The following ADAMTSL1 variants were observed in gnomAD, a reference collection of about 807,000 sequenced individuals.
ADAMTSL1 encodes ADAMTS like 1, also known as ADAMTS-like protein 1.
In ADAMTSL1, 126 loss-of-function variants were observed where a neutral mutation model predicts 201.8. The ratio of observed to expected loss-of-function variants is 0.62; its 90% CI spans 0.54 to 0.72. The LOEUF (loss-of-function observed/expected upper bound fraction) is 0.72. ADAMTSL1 is among the 30% of genes least tolerant of loss of function. ADAMTSL1 has a pLI of 0.00. For synonymous variants in ADAMTSL1, 1,121 were observed against 903.4 expected, an observed-to-expected ratio of 1.24 and a Z score of -4.32; for missense variants, 2,679 against 2,277.8, an observed-to-expected ratio of 1.18 and a Z score of -3.59.
intron 2 of ADAMTSL1, among the ~76,000 whole-genome samples, chr9:18,185,562 T>C (rs988903362): frequency 2.0e-5 from 3 of 152,144 alleles, no homozygotes; most frequent in Non-Finnish European, 4.4e-5. Flanking sequence ...ACTAACACAA[T>C]TGGTTTCTTA....
intron 2 of ADAMTSL1, among the ~76,000 whole-genome samples, chr9:18,295,344 A>ATT (rs11402322): frequency 6.5e-4 from 94 of 144,372 alleles, no homozygotes; most frequent in African/African-American, 1.9e-3. Flanking sequence ...ACCGTTATTC[A>ATT]TTTTTTTTTT....
At chr9:18,805,838 G>A (rs1186772268) in intron 20 of ADAMTSL1, among the ~76,000 whole-genome samples, 2 of 152,142 alleles carry the variant, frequency 1.3e-5, no homozygotes, top group Non-Finnish European at 2.9e-5. Flanking sequence ...TGCTGTTCGT[G>A]GGCCCTTTCT....
chr9:18,776,350 A>G (rs1277860810), intron 18 of ADAMTSL1, among the ~76,000 whole-genome samples: 1 of 152,208 alleles, frequency 6.6e-6, no homozygotes, highest in African/African-American at 2.4e-5. Context: ...AGCGGAAGAC[A>G]TTCTCCTCTC....
intron 2 of ADAMTSL1, among the ~76,000 whole-genome samples, chr9:18,287,875 C>T (rs375420790): frequency 6.6e-6 from 1 of 152,058 alleles, no homozygotes; most frequent in Non-Finnish European, 1.5e-5. Flanking sequence ...CTCCTCTAAT[C>T]CCATTCAAGT....
Position 18,839,862 on chromosome 9 carries a change from G to A in ADAMTSL1, c.4249+9885G>A, listed in dbSNP as rs1309935468. On this transcript the variant is annotated intron_variant, in intron 23 of 28. Coordinates refer to ENST00000380548, the MANE Select transcript of ADAMTSL1 (RefSeq NM_001040272.6). ...TGAGAAGTGTCTGTTCATGTCCTTC[G>A]CCCACTTTTGGATGGGGTTCTTTGT... Among the ~76,000 whole-genome samples the A allele has an allele frequency of 3.1e-4, 47 of 150,088 alleles. No individual in the cohort carries two copies. The East Asian group carries it at 3.7e-3, about 12-fold the overall frequency.
chr9:18,584,435 G>A lies in ADAMTSL1; in HGVS notation c.474+10169G>A, dbSNP rs150238550. ...TCTTTTGTAAATTGCTCAGTCTCAG[G>A]TATGTCTTTATCAGCAGCATGGAAA... On this transcript the variant is annotated intron_variant, in intron 4 of 28. Coordinates refer to ENST00000380548, the MANE Select transcript of ADAMTSL1 (RefSeq NM_001040272.6). Among the ~76,000 whole-genome samples the A allele has an allele frequency of 7.7e-4, 117 of 152,132 alleles. 1 individual carries two copies. In the East Asian group the frequency reaches 0.021, roughly 28 times the overall value.
intron 2 of ADAMTSL1, among the ~76,000 whole-genome samples, chr9:18,273,060 A>ATGGT (rs1832441922): frequency 6.6e-6 from 1 of 152,146 alleles, no homozygotes. Context: ...GTGCAGAAGG[A>ATGGT]TGGTTGCAGG....
At chr9:18,879,114 G>A (rs1342298659) in intron 23 of ADAMTSL1, among the ~76,000 whole-genome samples, 1 of 152,170 alleles carries the variant, frequency 6.6e-6, no homozygotes, top group Non-Finnish European at 1.5e-5. Context: ...AAGCAATATA[G>A]ATTTAAATAG....
chr9:18,014,995 G>C, intron 1 of ADAMTSL1, among the ~76,000 whole-genome samples: 1 of 152,010 alleles, frequency 6.6e-6, no homozygotes, highest in East Asian at 1.9e-4. Flanking sequence ...GCCTGTAGGT[G>C]GTAATATAAA....
chr9:18,867,725 C>A (rs1002409788), intron 23 of ADAMTSL1, among the ~76,000 whole-genome samples: 2 of 152,068 alleles, frequency 1.3e-5, no homozygotes, highest in South Asian at 4.1e-4. Flanking sequence ...CTCCTGAGTT[C>A]AAGCAATTCT....
chr9:17,909,274 C>T (rs1205757103), intron 1 of ADAMTSL1, among the ~76,000 whole-genome samples: 2 of 147,476 alleles, frequency 1.4e-5, no homozygotes, highest in East Asian at 4.2e-4. Flanking sequence ...TGTAGGTTGC[C>T]TGTTCACTCT....
chr9:18,182,516 G>A (rs1051513940), intron 2 of ADAMTSL1, among the ~76,000 whole-genome samples: 1 of 152,160 alleles, frequency 6.6e-6, no homozygotes, highest in Non-Finnish European at 1.5e-5. Flanking sequence ...AACATGTCTT[G>A]TGGCTCTGTT....
intron 4 of ADAMTSL1, among the ~76,000 whole-genome samples, chr9:18,601,403 G>A (rs545925546): frequency 1.3e-5 from 2 of 152,300 alleles, no homozygotes; most frequent in Non-Finnish European, 1.5e-5. Flanking sequence ...CTACAGGTGT[G>A]CACAGATCTG....
intron 23 of ADAMTSL1, among the ~76,000 whole-genome samples, chr9:18,856,513 G>C (rs1423545148): frequency 2.1e-5 from 3 of 139,818 alleles, no homozygotes; most frequent in Non-Finnish European, 4.5e-5. Context: ...GCCCAGGCTA[G>C]AGTGCAGTGG....
chr9:18,191,846 A>G (rs1828984595), intron 2 of ADAMTSL1, among the ~76,000 whole-genome samples: 1 of 152,156 alleles, frequency 6.6e-6, no homozygotes, highest in Non-Finnish European at 1.5e-5. Flanking sequence ...CCATTTCATG[A>G]AGTTACAATA....
intron 2 of ADAMTSL1, among the ~76,000 whole-genome samples, chr9:18,388,869 G>A (rs975846369): frequency 6.6e-6 from 1 of 151,728 alleles, no homozygotes; most frequent in Non-Finnish European, 1.5e-5. Flanking sequence ...CGATTATCCT[G>A]CCTTAGCCTC....
chr9:18,263,964 G>C (rs1000794225), intron 2 of ADAMTSL1, among the ~76,000 whole-genome samples: 5 of 152,124 alleles, frequency 3.3e-5, no homozygotes, highest in Non-Finnish European at 7.3e-5. Context: ...CATTTTGTTA[G>C]GGCAACCTCA....
intron 1 of ADAMTSL1, among the ~76,000 whole-genome samples, chr9:18,031,544 G>T (rs1417657095): frequency 6.6e-6 from 1 of 152,148 alleles, no homozygotes; most frequent in Non-Finnish European, 1.5e-5. Flanking sequence ...AAGAGTAAGG[G>T]CCAGCAGATG....
chr9:18,015,720 C>G (rs562661441), intron 1 of ADAMTSL1, among the ~76,000 whole-genome samples: 3 of 152,072 alleles, frequency 2.0e-5, no homozygotes, highest in Non-Finnish European at 2.9e-5. Context: ...TAAGCTTCTT[C>G]CCACAAGACC....
Sources: gnomAD v4.1 joint callset for allele counts (sites outside exome capture counted in the v4.1 genomes callset) on GRCh38, gnomAD v4.1.1 for gene constraint, MANE v1.5 for transcripts, NCBI Gene and HGNC (gene_info 2026-07-23, HGNC 2026-07-21) for gene names.